POLR2M: variants seen among roughly 807,000 people sequenced by gnomAD.
POLR2M encodes RNA polymerase II subunit M.
POLR2M carries 30 observed loss-of-function variants against 34.6 expected under a neutral mutation model. The observed-to-expected ratio is 0.87, with a 90% CI of 0.65 to 1.18. The LOEUF is 1.18. Ranked by LOEUF, POLR2M falls within the 50% of genes most tolerant of loss-of-function variation. The pLI is 0.00. For synonymous variants in POLR2M, 150 were observed against 166.7 expected, an observed-to-expected ratio of 0.90 and a Z score of 0.77; for missense variants, 432 against 448.7, an observed-to-expected ratio of 0.96 and a Z score of 0.34.
In POLR2M at chr15:57,711,965, C is replaced by T. The variant is rs1351773518; in HGVS notation, c.759-19C>T. The T allele has an allele frequency of 3.7e-6, 6 of 1,613,516 alleles. No individual in the cohort carries two copies. The highest frequency in any genetic ancestry group is 3.3e-5 in the Admixed American group (2 of 59,954). On this transcript the variant is annotated intron_variant, in intron 2 of 3. Transcript: ENST00000299638. ...AATAAAATAATCTGATTGTATAACACAAGTTTTCCTTTCATCAGGTTACCT... is the reference window on the plus strand; with the variant it reads ...AATAAAATAATCTGATTGTATAACATAAGTTTTCCTTTCATCAGGTTACCT...
In POLR2M at chr15:57,709,376, C is replaced by T. The variant is rs759183342; in HGVS notation, c.758+18C>T. The T allele has an allele frequency of 1.9e-6, 3 of 1,598,248 alleles. No individual in the cohort carries two copies. The highest frequency in any genetic ancestry group is 2.2e-5 in the East Asian group (1 of 44,726). On this transcript the variant is annotated intron_variant, in intron 2 of 3. Transcript: ENST00000299638. ...ACCAATGTGTAAGTACCCTCGGAAA[C>T]AGGCCTGTAACAGGAACGTGATATT...
Position 57,708,607 on chromosome 15 carries a change from TA to T in POLR2M, c.114-102del. 3.6e-6 allele frequency: 4 copies of T among 1,096,756 alleles called. No individual in the cohort carries two copies. The South Asian group carries it at 7.8e-5, about 21-fold the overall frequency. The allele number at this position is 1,096,756 out of a possible 1,614,324, so 67.9% of individuals were successfully genotyped here. A position where few individuals can be genotyped will look rare whatever the true frequency, so the allele number is the denominator to read the frequency against. ...GCAGTTAGAAATCAGATATTTGACT[TA>T]AAAATCAGCTTTTCTTTCTTTGAAG... On this transcript the variant is annotated intron_variant, in intron 1 of 3. Transcript: ENST00000299638.
At position 57,706,923 on chromosome 15, in the gene POLR2M, G is replaced by C. The variant is rs748274530; in HGVS notation, c.81G>C (p.Met27Ile). The change falls in exon 1 of 4, where the codon ATG becomes ATC. Residue 27 changes from methionine (M) to isoleucine (I), a missense_variant. Coordinates refer to ENST00000299638, the MANE Select transcript of POLR2M (RefSeq NM_015532.5). The stretch of plus-strand genomic sequence containing the variant: ...GGAGTTTGGTGGAGCTGCGGGAAAT[G>C]TTGAAGCGCCAGGAGAGACTTTTGC... ...AQRSLVELRE[M>I]LKRQERLLRN... is the part of the protein sequence containing the mutation. The C allele has an allele frequency of 1.2e-6, 2 of 1,603,228 alleles. No homozygotes were observed. The highest frequency in any genetic ancestry group is 1.3e-5 in the African/African-American group (1 of 74,950).
Position 57,716,944 on chromosome 15 carries a change from A to G in POLR2M, c.*2265A>G, listed in dbSNP as rs1385036773. On this transcript the variant is annotated 3_prime_UTR_variant, in exon 4 of 4. Transcript: ENST00000299638. ...ATTTCACTTTTACACCTATCTTTAA[A>G]AGGAATTTAAATTTTGTTTATATAC... 6.6e-6 allele frequency: 1 copy of G among 152,072 alleles called. No homozygotes were observed. The highest frequency in any genetic ancestry group is 1.5e-5 in the Non-Finnish European group (1 of 68,030). 9.4% of individuals were successfully genotyped at this position (152,072 alleles called of 1,614,324 possible).
Position 57,716,460 on chromosome 15 carries a change from A to G in POLR2M, c.*1781A>G, listed in dbSNP as rs1385266872. ...AAAGTGTTTTTGAGAATTTTTATAT[A>G]TATTACTCACTGCAGAGATCATGTT... On this transcript the variant is annotated 3_prime_UTR_variant, in exon 4 of 4. Coordinates refer to ENST00000299638, the MANE Select transcript of POLR2M (RefSeq NM_015532.5). 2.0e-5 allele frequency: 3 copies of G among 152,282 alleles called. No individual in the cohort carries two copies. Among genetic ancestry groups the G allele is most frequent in the Non-Finnish European group, 2.9e-5 (2 of 68,044 alleles). 9.4% of individuals were successfully genotyped at this position (152,282 alleles called of 1,614,324 possible).
chr15:57,709,459 G>A, intron 2 of POLR2M, 101 bp downstream of exon 2: 21 of 1,393,968 alleles, frequency 1.5e-5, no homozygotes, highest in Non-Finnish European at 2.0e-5. Flanking sequence ...TGTAGTCCCA[G>A]GCTACTCAGG....
intron 2 of POLR2M, among the ~76,000 whole-genome samples, chr15:57,710,849 G>A (rs912734825): frequency 6.6e-5 from 10 of 152,104 alleles, no homozygotes; most frequent in Non-Finnish European, 1.5e-4. Flanking sequence ...AGAGGGTTCC[G>A]TGTGAGAGGT....
At chr15:57,714,057 C>G (rs1051809261) in intron 3 of POLR2M, among the ~76,000 whole-genome samples, 16 of 151,926 alleles carry the variant, frequency 1.1e-4, no homozygotes, top group African/African-American at 3.6e-4. Flanking sequence ...TCGTGTTAGC[C>G]AGGATGGTCT....
intron 2 of POLR2M, among the ~76,000 whole-genome samples, chr15:57,709,712 GCA>G (rs2040635870): frequency 6.6e-6 from 1 of 152,180 alleles, no homozygotes; most frequent in Non-Finnish European, 1.5e-5. Flanking sequence ...GTCTTTTAAA[GCA>G]CATGGGGGAG....
In POLR2M at chr15:57,711,432, G is replaced by A. The variant is rs549888889; in HGVS notation, c.759-552G>A. Among the ~76,000 whole-genome samples, 104 of 152,130 alleles carry A rather than the reference G, an allele frequency of 6.8e-4. 2 individuals are homozygous for A. Among genetic ancestry groups the A allele is most frequent in the African/African-American group, 2.5e-3 (102 of 41,488 alleles). On this transcript the variant is annotated intron_variant, in intron 2 of 3. Transcript: ENST00000299638. ...AGGCTACTTCCCAGCCCTCTTTCTC[G>A]CTGTCTTTTCTGTGTAGCCAGAAAA...
At chr15:57,710,274 G>A (rs1291511036) in intron 2 of POLR2M, among the ~76,000 whole-genome samples, 1 of 152,186 alleles carries the variant, frequency 6.6e-6, no homozygotes, top group African/African-American at 2.4e-5. Context: ...GAAATTTCAG[G>A]AAAAGTAAAA....
At chr15:57,708,037 CAT>C (rs1426663634) in intron 1 of POLR2M, among the ~76,000 whole-genome samples, 6 of 152,208 alleles carry the variant, frequency 3.9e-5, no homozygotes, top group Admixed American at 1.3e-4. Context: ...GGGATCAAGA[CAT>C]GTGTTTTGAC....
Position 57,716,690 on chromosome 15 carries a change from GTTGC to G in POLR2M, c.*2019_*2022del, listed in dbSNP as rs1325949633. The G allele has an allele frequency of 2.6e-5, 4 of 152,202 alleles. No homozygotes were observed. In the East Asian group the frequency reaches 7.7e-4, roughly 29 times the overall value. The allele number at this position is 152,202 out of a possible 1,614,324, so 9.4% of individuals were successfully genotyped here. Reference sequence around the variant, plus strand: ...AGAATTGCTCATTCATATTTTTTCTGTTGCTTGCTTGGAGAATTTGCTCTTTTTT... The same window carrying G: ...AGAATTGCTCATTCATATTTTTTCTGTTGCTTGGAGAATTTGCTCTTTTTT... On this transcript the variant is annotated 3_prime_UTR_variant, in exon 4 of 4. Coordinates refer to ENST00000299638, the MANE Select transcript of POLR2M (RefSeq NM_015532.5).
chr15:57,716,998 GA>G lies in POLR2M; in HGVS notation c.*2323del, dbSNP rs1480750431. The G allele has an allele frequency of 6.6e-6, 1 of 152,140 alleles. No homozygotes were observed. Among genetic ancestry groups the G allele is most frequent in the Admixed American group, 6.5e-5 (1 of 15,276 alleles). 9.4% of individuals were successfully genotyped at this position (152,140 alleles called of 1,614,324 possible). ...AACTAAATCAGTACAAGTTTGGGGT[GA>G]AAAGGAAATTTTTAATCCATCTCAA... On this transcript the variant is annotated 3_prime_UTR_variant, in exon 4 of 4. Coordinates refer to ENST00000299638, the MANE Select transcript of POLR2M (RefSeq NM_015532.5).
intron 3 of POLR2M, among the ~76,000 whole-genome samples, chr15:57,713,819 T>C (rs1325764782): frequency 6.3e-5 from 7 of 111,844 alleles, no homozygotes; most frequent in African/African-American, 2.4e-4. Flanking sequence ...CATTAGTCCT[T>C]CTTTTTTTTT....
chr15:57,712,066 G>A lies in POLR2M; in HGVS notation c.841G>A (p.Asp281Asn), dbSNP rs765051929. 2.9e-5 allele frequency: 47 copies of A among 1,613,952 alleles called. No individual in the cohort carries two copies. The highest frequency in any genetic ancestry group is 3.9e-5 in the Non-Finnish European group (46 of 1,180,014). ...TTCCTCAGAAGAGCGGCGGCGCAGG[G>A]ATAAGCAGCATCTTGATGACATCAC... ...PISSEERRRR[D>N]KQHLDDITAA... Residue 281 changes from aspartate (D) to asparagine (N), a missense_variant, in exon 3 of 4, where the codon GAT becomes AAT. Transcript: ENST00000299638.
At position 57,715,890 on chromosome 15, in the gene POLR2M, A is replaced by T. The variant is rs2140846661; in HGVS notation, c.*1211A>T. On this transcript the variant is annotated 3_prime_UTR_variant, in exon 4 of 4. Coordinates refer to ENST00000299638, the MANE Select transcript of POLR2M (RefSeq NM_015532.5). ...AAAAAGACTGTTCACATTTGCTTCCAGGTGTAATTATTGCTTTCATTCCTT... is the reference window on the plus strand; with the variant it reads ...AAAAAGACTGTTCACATTTGCTTCCTGGTGTAATTATTGCTTTCATTCCTT... 6.6e-6 allele frequency: 1 copy of T among 152,396 alleles called. No homozygotes were observed. Among genetic ancestry groups the T allele is most frequent in the African/African-American group, 2.4e-5 (1 of 41,600 alleles). 9.4% of individuals were successfully genotyped at this position (152,396 alleles called of 1,614,324 possible). A position where few individuals can be genotyped will look rare whatever the true frequency, so the allele number is the denominator to read the frequency against.
Position 57,706,799 on chromosome 15 carries a change from G to A in POLR2M, c.-44G>A. On this transcript the variant is annotated 5_prime_UTR_variant, in exon 1 of 4. Coordinates refer to ENST00000299638, the MANE Select transcript of POLR2M (RefSeq NM_015532.5). Reference sequence around the variant, plus strand: ...CGGCGCTAGTAGCGGGGCCTGCCGAGGAAGCCGAGTGCCCGCCGCCGCGCC... The same window carrying A: ...CGGCGCTAGTAGCGGGGCCTGCCGAAGAAGCCGAGTGCCCGCCGCCGCGCC... 3 of 1,539,438 alleles carry A rather than the reference G, an allele frequency of 1.9e-6. No homozygotes were observed. Among genetic ancestry groups the A allele is most frequent in the East Asian group, 2.5e-5 (1 of 40,466 alleles).
chr15:57,713,848 TTTTTTTTTTTTG>T, intron 3 of POLR2M, among the ~76,000 whole-genome samples: 1 of 36,250 alleles, frequency 2.8e-5, no homozygotes, highest in Admixed American at 3.6e-4. Flanking sequence ...TTTTTTTTTT[TTTTTTTTTTTTG>T]AGACGGAGTC....
Sources: gnomAD v4.1 joint callset for allele counts (sites outside exome capture counted in the v4.1 genomes callset) on GRCh38, gnomAD v4.1.1 for gene constraint, MANE v1.5 for transcripts, NCBI Gene and HGNC (gene_info 2026-07-23, HGNC 2026-07-21) for gene names.